The following SBF2 variants were observed in gnomAD, a reference collection of about 807,000 sequenced individuals.
The protein encoded by SBF2 is myotubularin-related protein 13.
A neutral mutation model predicts 225.2 loss-of-function variants in SBF2; 112 were observed. The observed-to-expected ratio is 0.50, with a 90% CI of 0.43 to 0.58. The LOEUF (loss-of-function observed/expected upper bound fraction) is 0.58. Among genes scored for constraint, SBF2 ranks in the 20% least tolerant of loss-of-function variants. SBF2 has a pLI of 0.00. For missense variants in SBF2, 1,996 were observed against 2,206.2 expected (o/e 0.90, Z 1.91); for synonymous variants, 763 against 773.3 (o/e 0.99, Z 0.22).
At chr11:9,960,335 A>T (rs1258251330) in intron 16 of SBF2, 2 of 152,314 alleles carry the variant, frequency 1.3e-5, no homozygotes, top group Admixed American at 6.5e-5. Flanking sequence ...CCCTACCCCA[A>T]ATTCATATGG....
intron 2 of SBF2, among the ~76,000 whole-genome samples, chr11:10,146,097 C>T: frequency 6.6e-6 from 1 of 152,250 alleles, no homozygotes; most frequent in East Asian, 1.9e-4. Flanking sequence ...ATGGAAAAAA[C>T]ATTCCATGCT....
intron 2 of SBF2, among the ~76,000 whole-genome samples, chr11:10,043,489 T>C (rs950859006): frequency 7.2e-5 from 11 of 152,214 alleles, no homozygotes; most frequent in African/African-American, 2.2e-4. Flanking sequence ...TCATAGAATG[T>C]CTGCTGTTAG....
chr11:10,066,132 T>C (rs192240786), intron 2 of SBF2, among the ~76,000 whole-genome samples: 1 of 152,034 alleles, frequency 6.6e-6, no homozygotes, highest in East Asian at 1.9e-4. Context: ...CTACTAAACA[T>C]TAAAGGTTTT....
chr11:10,085,045 A>G (rs765305651), intron 2 of SBF2, among the ~76,000 whole-genome samples: 89 of 152,246 alleles, frequency 5.8e-4, no homozygotes, highest in Non-Finnish European at 1.6e-4. Flanking sequence ...ATCTATGTAT[A>G]TAATAAAATC....
In SBF2 at chr11:9,780,354, T is replaced by G. The variant is rs576051628; in HGVS notation, c.*64A>C. On this transcript the variant is annotated 3_prime_UTR_variant, in exon 40 of 40. Transcript: ENST00000256190. ...TGTCAGCTCCTCAAGGATCCATGCT[T>G]CTTTTTCTATCTATCTGGCAGCATG... 59 of 1,406,384 alleles carry G rather than the reference T, an allele frequency of 4.2e-5. No individual in the cohort carries two copies. The highest frequency in any genetic ancestry group is 2.3e-4 in the East Asian group (10 of 43,782). The allele number at this position is 1,406,384 out of a possible 1,614,324, so 87.1% of individuals were successfully genotyped here.
At chr11:10,233,434 A>G (rs1958935930) in intron 1 of SBF2, among the ~76,000 whole-genome samples, 1 of 152,048 alleles carries the variant, frequency 6.6e-6, no homozygotes, top group Non-Finnish European at 1.5e-5. Context: ...GGGTGCTCCT[A>G]TTATGAATAA....
chr11:9,938,258 T>A (rs1865027801), intron 16 of SBF2, among the ~76,000 whole-genome samples: 1 of 149,450 alleles, frequency 6.7e-6, no homozygotes. Flanking sequence ...GCCACTGCAC[T>A]CCAGCCTGGG....
chr11:9,973,131 C>G, intron 13 of SBF2, among the ~76,000 whole-genome samples: 1 of 152,174 alleles, frequency 6.6e-6, no homozygotes. Flanking sequence ...TTGAACCTAA[C>G]TTGGTCGCGA....
At chr11:10,245,781 T>C (rs1959728340) in intron 1 of SBF2, among the ~76,000 whole-genome samples, 1 of 152,146 alleles carries the variant, frequency 6.6e-6, no homozygotes, top group Non-Finnish European at 1.5e-5. Context: ...AAGAAAAATG[T>C]GGGATATAAA....
chr11:9,930,954 G>A (rs1481086131), intron 16 of SBF2, among the ~76,000 whole-genome samples: 2 of 152,260 alleles, frequency 1.3e-5, no homozygotes, highest in African/African-American at 4.8e-5. Flanking sequence ...TCTCTCCCAT[G>A]CCAGGCTTGG....
At chr11:10,297,150 T>A (rs1178921361), upstream of SBF2, among the ~76,000 whole-genome samples, 1 of 152,158 alleles carries the variant, frequency 6.6e-6, no homozygotes, top group African/African-American at 2.4e-5. Context: ...ATTCTGTACG[T>A]TGTCTTTTCA....
chr11:9,858,444 A>T, intron 17 of SBF2, 48 bp from the exon 18 acceptor site: 1 of 1,586,708 alleles, frequency 6.3e-7, no homozygotes, highest in Non-Finnish European at 8.7e-7. Context: ...CAGAATTATA[A>T]CAGTTCATAA....
chr11:10,263,996 A>G (rs892184159), intron 1 of SBF2, among the ~76,000 whole-genome samples: 3 of 152,218 alleles, frequency 2.0e-5, no homozygotes, highest in Admixed American at 6.5e-5. Context: ...AAGAACTACA[A>G]GATAATCCAA....
chr11:9,850,915 C>T (rs1856879133), intron 21 of SBF2, among the ~76,000 whole-genome samples: 1 of 152,114 alleles, frequency 6.6e-6, no homozygotes, highest in South Asian at 2.1e-4. Context: ...GCAGATGGAT[C>T]ACCTGAGGTC....
chr11:9,805,245 CA>C (rs35459604), intron 32 of SBF2, among the ~76,000 whole-genome samples: 159 of 136,982 alleles, frequency 1.2e-3, no homozygotes, highest in East Asian at 0.011. Context: ...GACTCTGTCT[CA>C]AAAAAAAAAA....
intron 6 of SBF2, among the ~76,000 whole-genome samples, chr11:10,016,028 C>T (rs937788455): frequency 6.6e-6 from 1 of 152,102 alleles, no homozygotes; most frequent in Non-Finnish European, 1.5e-5. Context: ...CGACCCGCCT[C>T]GGCCTCCCAA....
At chr11:9,892,467 C>G (rs536042134) in intron 17 of SBF2, among the ~76,000 whole-genome samples, 1 of 152,136 alleles carries the variant, frequency 6.6e-6, no homozygotes, top group South Asian at 2.1e-4. Flanking sequence ...GGAAGGAAAC[C>G]AATGGTTCAG....
chr11:10,269,432 G>A (rs74487368), intron 1 of SBF2, among the ~76,000 whole-genome samples: 3,220 of 152,272 alleles, frequency 0.021, 86 homozygotes, highest in African/African-American at 0.063. Context: ...CCCTGGAACC[G>A]TAGAGAAAAG....
intron 13 of SBF2, among the ~76,000 whole-genome samples, chr11:9,983,396 C>T (rs1424181520): frequency 6.6e-6 from 1 of 152,142 alleles, no homozygotes; most frequent in Non-Finnish European, 1.5e-5. Flanking sequence ...GGGAATCTCA[C>T]CCCCATCCCC....
Sources: gnomAD v4.1 joint callset for allele counts (sites outside exome capture counted in the v4.1 genomes callset) on GRCh38, gnomAD v4.1.1 for gene constraint, MANE v1.5 for transcripts, NCBI Gene and HGNC (gene_info 2026-07-23, HGNC 2026-07-21) for gene names.